TRIM24: variants seen among roughly 807,000 people sequenced by gnomAD.
TRIM24 encodes the protein transcription intermediary factor 1-alpha.
Under a neutral mutation model 123.9 loss-of-function variants are expected in TRIM24, and 29 were observed. The observed-to-expected ratio is 0.23, with a 90% confidence interval of 0.17 to 0.32. The LOEUF (loss-of-function observed/expected upper bound fraction) is 0.32. TRIM24 is among the 10% of genes least tolerant of loss of function. The pLI is 1.00. For synonymous variants in TRIM24, 456 were observed against 461.1 expected, an observed-to-expected ratio of 0.99 and a Z score of 0.14; for missense variants, 932 against 1,295.3, an observed-to-expected ratio of 0.72 and a Z score of 4.31.
intron 1 of TRIM24, among the ~76,000 whole-genome samples, chr7:138,467,621 C>T (rs968709854): frequency 6.6e-6 from 1 of 152,160 alleles, no homozygotes; most frequent in African/African-American, 2.4e-5. Flanking sequence ...TATTGACAGG[C>T]GTGAGCCACT....
At chr7:138,501,810 C>T (rs2116522167) in intron 1 of TRIM24, among the ~76,000 whole-genome samples, 1 of 151,744 alleles carries the variant, frequency 6.6e-6, no homozygotes, top group South Asian at 2.1e-4. Flanking sequence ...ATCACTTGAA[C>T]CAGGGAGGCA....
At position 138,583,930 on chromosome 7, in the gene TRIM24, G is replaced by T; in HGVS notation, c.2874G>T (p.Met958Ile). 1 of 1,605,538 alleles carries T rather than the reference G, an allele frequency of 6.2e-7. No individual in the cohort carries two copies. The highest frequency in any genetic ancestry group is 1.1e-5 in the South Asian group (1 of 88,382). Residue 958 changes from methionine to isoleucine, a missense_variant, in exon 18 of 19, where the codon ATG becomes ATT. Transcript: ENST00000343526. ...IKKRLQEDYS[M>I]YSKPEDFVAD... ...AAAGACTACAAGAAGATTATTCCATGTACTCAAAACCTGAAGATTTTGTAG... is the reference window on the plus strand; with the variant it reads ...AAAGACTACAAGAAGATTATTCCATTTACTCAAAACCTGAAGATTTTGTAG...
At chr7:138,560,374 A>T (rs969171739) in intron 9 of TRIM24, among the ~76,000 whole-genome samples, 1 of 152,276 alleles carries the variant, frequency 6.6e-6, no homozygotes, top group Admixed American at 6.5e-5. Flanking sequence ...GTCACTTCTC[A>T]TGCTTTCTCT....
chr7:138,577,711 G>A, intron 14 of TRIM24, 123 bp downstream of exon 14: 1 of 807,554 alleles, frequency 1.2e-6, no homozygotes, highest in South Asian at 4.5e-5. Context: ...ACAATTTGAG[G>A]GAATCTCTCA....
At position 138,460,958 on chromosome 7, in the gene TRIM24, G is replaced by C. The variant is rs916248646; in HGVS notation, c.364+46G>C. Reference sequence around the variant, plus strand: ...CTGGGGAGCCCGGGGAGAGGGCCAGGAGGGGGCGGGCGCCCTTGTGCGGCG... The same window carrying C: ...CTGGGGAGCCCGGGGAGAGGGCCAGCAGGGGGCGGGCGCCCTTGTGCGGCG... On this transcript the variant is annotated intron_variant, in intron 1 of 18. Coordinates refer to ENST00000343526, the MANE Select transcript of TRIM24 (RefSeq NM_015905.3). The C allele has an allele frequency of 1.9e-5, 26 of 1,364,136 alleles. 1 individual carries two copies. In the South Asian group the frequency reaches 4.4e-4, roughly 23 times the overall value. 84.5% of individuals were successfully genotyped at this position (1,364,136 alleles called of 1,614,324 possible).
At chr7:138,485,135 TTC>T (rs1287187963) in intron 1 of TRIM24, among the ~76,000 whole-genome samples, 3 of 152,272 alleles carry the variant, frequency 2.0e-5, no homozygotes, top group East Asian at 3.9e-4. Flanking sequence ...ACATTAATCG[TTC>T]TGTTTCATTT....
intron 11 of TRIM24, among the ~76,000 whole-genome samples, chr7:138,571,644 A>G (rs1356377965): frequency 6.6e-6 from 1 of 152,206 alleles, no homozygotes; most frequent in Non-Finnish European, 1.5e-5. Context: ...GACAAGTGCA[A>G]AATTACCTCT....
At chr7:138,545,573 G>A (rs541320719) in intron 7 of TRIM24, 7 of 455,212 alleles carry the variant, frequency 1.5e-5, no homozygotes, top group African/African-American at 1.2e-4. Flanking sequence ...TTTATTCTTG[G>A]ACTCAGATCT....
chr7:138,532,853 T>C (rs1303067303), intron 6 of TRIM24, among the ~76,000 whole-genome samples: 1 of 152,232 alleles, frequency 6.6e-6, no homozygotes, highest in Non-Finnish European at 1.5e-5. Flanking sequence ...GAGCATGGAA[T>C]GTTCTTCCAT....
intron 9 of TRIM24, among the ~76,000 whole-genome samples, chr7:138,562,668 C>T (rs1797450784): frequency 6.6e-6 from 1 of 152,168 alleles, no homozygotes. Flanking sequence ...CTACCACTGG[C>T]ATCTAATCTT....
chr7:138,514,437 C>G (rs1282359574), intron 2 of TRIM24: 3 of 152,252 alleles, frequency 2.0e-5, no homozygotes, highest in Non-Finnish European at 4.4e-5. Context: ...TGGCCCCTGT[C>G]TCTTGTCCTA....
intron 11 of TRIM24, among the ~76,000 whole-genome samples, chr7:138,571,686 C>T (rs1016969149): frequency 6.6e-6 from 1 of 152,168 alleles, no homozygotes; most frequent in Non-Finnish European, 1.5e-5. Flanking sequence ...AACTCACTCT[C>T]CAAACTCTTT....
intron 10 of TRIM24, among the ~76,000 whole-genome samples, chr7:138,568,605 T>C (rs1267605287): frequency 6.6e-6 from 1 of 151,818 alleles, no homozygotes; most frequent in African/African-American, 2.4e-5. Flanking sequence ...CAGGCTAGTC[T>C]CGAACTCCTG....
chr7:138,546,591 A>G (rs568556122), intron 7 of TRIM24, among the ~76,000 whole-genome samples: 11 of 152,314 alleles, frequency 7.2e-5, no homozygotes, highest in Admixed American at 2.0e-4. Context: ...CTTGCTCTCA[A>G]AAGTTTTGGA....
intron 9 of TRIM24, among the ~76,000 whole-genome samples, chr7:138,563,888 G>A (rs1040712905): frequency 6.6e-6 from 1 of 152,152 alleles, no homozygotes; most frequent in Non-Finnish European, 1.5e-5. Context: ...TGCATGATTT[G>A]AATCCCAGTG....
intron 9 of TRIM24, among the ~76,000 whole-genome samples, chr7:138,558,641 G>T (rs893007311): frequency 6.6e-6 from 1 of 152,182 alleles, no homozygotes; most frequent in Non-Finnish European, 1.5e-5. Flanking sequence ...CAAAAACTCG[G>T]AACTGTTGGG....
At chr7:138,479,193 C>G (rs1246063731) in intron 1 of TRIM24, among the ~76,000 whole-genome samples, 4 of 152,002 alleles carry the variant, frequency 2.6e-5, no homozygotes, top group Non-Finnish European at 5.9e-5. Flanking sequence ...GATGCTTAAG[C>G]TTTTCAAAAA....
intron 7 of TRIM24, among the ~76,000 whole-genome samples, chr7:138,549,041 ATAT>A (rs1477848123): frequency 2.0e-4 from 30 of 152,224 alleles, no homozygotes; most frequent in Non-Finnish European, 4.1e-4. Context: ...AAAAAGTATA[ATAT>A]AATAAATACA....
intron 2 of TRIM24, among the ~76,000 whole-genome samples, chr7:138,510,021 G>C (rs1796253137): frequency 6.6e-6 from 1 of 152,112 alleles, no homozygotes; most frequent in Non-Finnish European, 1.5e-5. Flanking sequence ...CAGTAAAGCT[G>C]GTTCTACAGA....
Sources: allele counts gnomAD v4.1 joint callset (sites outside exome capture counted in the v4.1 genomes callset), GRCh38; gene constraint gnomAD v4.1.1; transcripts MANE v1.5; gene names NCBI Gene and HGNC (gene_info 2026-07-23, HGNC 2026-07-21).